TRAPPC12: variants seen among roughly 807,000 people sequenced by gnomAD.
TRAPPC12 encodes TPR repeat protein 15.
TRAPPC12 carries 61 observed loss-of-function variants against 69.2 expected under a neutral mutation model. That is an observed-to-expected ratio of 0.88 (90% CI 0.72 to 1.09). The LOEUF (loss-of-function observed/expected upper bound fraction) is 1.09. Ranked by LOEUF, TRAPPC12 falls within the 50% of genes least tolerant of loss-of-function variation. The pLI, the probability that TRAPPC12 is intolerant of heterozygous loss-of-function variation, is 0.00. For missense variants in TRAPPC12, 1,101 were observed against 1,016.4 expected, an observed-to-expected ratio of 1.08 and a Z score of -1.13; for synonymous variants, 469 against 438.9, an observed-to-expected ratio of 1.07 and a Z score of -0.86.
At chr2:3,465,445 C>G (rs1239101652) in intron 8 of TRAPPC12, 152 bp from the exon 9 acceptor site, 1 of 594,432 alleles carries the variant, frequency 1.7e-6, no homozygotes, top group South Asian at 2.2e-5. Context: ...GGCAGCCGAG[C>G]ACCGCGTGCT....
intron 3 of TRAPPC12, among the ~76,000 whole-genome samples, chr2:3,412,698 C>G (rs374136212): frequency 3.0e-4 from 46 of 152,308 alleles, no homozygotes; most frequent in African/African-American, 1.1e-3. Flanking sequence ...ACACCTTCAT[C>G]TAGAACGGAT....
At position 3,388,028 on chromosome 2, in the gene TRAPPC12, G is replaced by C. The variant is rs745941993; in HGVS notation, c.405G>C (p.Ala135=). 15 of 1,475,590 alleles carry C rather than the reference G, an allele frequency of 1.0e-5. No homozygotes were observed. In the South Asian group the frequency reaches 2.0e-4, roughly 19 times the overall value. The allele number at this position is 1,475,590 out of a possible 1,614,324, so 91.4% of individuals were successfully genotyped here. A position where few individuals can be genotyped will look rare whatever the true frequency, so the allele number is the denominator to read the frequency against. ...PSSGGAPRQD[A]AREVPGSEAA... is the part of the protein sequence containing the mutation. ...GCGGAGGGGCCCCGAGGCAGGACGC[G>C]GCCCGCGAGGTCCCAGGCAGCGAAG... is the stretch of plus-strand genomic sequence containing the variant. Residue 135 remains alanine, a synonymous_variant, in exon 2 of 12, where the codon GCG becomes GCC. Transcript: ENST00000324266.
intron 1 of TRAPPC12, among the ~76,000 whole-genome samples, chr2:3,382,771 A>G (rs1451893211): frequency 6.6e-6 from 1 of 152,174 alleles, no homozygotes; most frequent in Non-Finnish European, 1.5e-5. Flanking sequence ...CAAAAAATAC[A>G]AAAATAGCTG....
chr2:3,457,701 G>A lies in TRAPPC12; in HGVS notation c.1603+8G>A, dbSNP rs776932902. ...CTCAGGAGGGCAGACAAGGTGGGTC[G>A]GCCGGACTTTGCTGACTAGATGCTT... On this transcript the variant is annotated splice_region_variant and intron_variant, in intron 7 of 11. Transcript: ENST00000324266. 6.6e-5 allele frequency: 106 copies of A among 1,608,896 alleles called. No individual in the cohort carries two copies. The highest frequency in any genetic ancestry group is 3.2e-4 in the South Asian group (29 of 90,994).
intron 3 of TRAPPC12, among the ~76,000 whole-genome samples, chr2:3,418,455 A>G (rs1662576709): frequency 6.6e-6 from 1 of 152,200 alleles, no homozygotes; most frequent in East Asian, 1.9e-4. Context: ...GTCAACAGAA[A>G]TGAACTACTG....
rs909094411 is a variant in TRAPPC12 at position 3,479,082 on chromosome 2, C to A, written c.1966-137C>A. 35 of 1,511,016 alleles carry A rather than the reference C, an allele frequency of 2.3e-5. No individual in the cohort carries two copies. The African/African-American group carries it at 4.7e-4, about 20-fold the overall frequency. 93.6% of individuals were successfully genotyped at this position (1,511,016 alleles called of 1,614,324 possible). On this transcript the variant is annotated intron_variant, in intron 11 of 11. Transcript: ENST00000324266. ...GGCTGTGGCCCTTAGGGGAAGTGAC[C>A]CAACAGGGCCACCTAGGCTCTGCCC...
At chr2:3,440,942 G>A (rs1488654268) in intron 5 of TRAPPC12, among the ~76,000 whole-genome samples, 1 of 152,096 alleles carries the variant, frequency 6.6e-6, no homozygotes, top group African/African-American at 2.4e-5. Flanking sequence ...TGTTTGATGT[G>A]GTAGATTATG....
chr2:3,424,439 C>A, intron 4 of TRAPPC12, 86 bp from the exon 5 acceptor site: 2 of 1,184,222 alleles, frequency 1.7e-6, no homozygotes, highest in Non-Finnish European at 2.4e-6. Flanking sequence ...GAGAAATTAA[C>A]CTCTAACACC....
At chr2:3,461,709 C>CT in intron 8 of TRAPPC12, among the ~76,000 whole-genome samples, 1 of 152,222 alleles carries the variant, frequency 6.6e-6, no homozygotes, top group Non-Finnish European at 1.5e-5. Context: ...GTGCTTTGTT[C>CT]TGGTCCTCAC....
intron 9 of TRAPPC12, among the ~76,000 whole-genome samples, chr2:3,470,123 C>G (rs545849416): frequency 6.6e-6 from 1 of 152,342 alleles, no homozygotes; most frequent in African/African-American, 2.4e-5. Flanking sequence ...TAGGGAAACG[C>G]TTGGCAAAGC....
At chr2:3,401,660 C>A (rs1051578244) in intron 2 of TRAPPC12, 117 bp from the exon 3 acceptor site, 2 of 567,318 alleles carry the variant, frequency 3.5e-6, no homozygotes, top group African/African-American at 3.8e-5. Flanking sequence ...ATAACCGTTA[C>A]TTTTACCTCC....
intron 5 of TRAPPC12, among the ~76,000 whole-genome samples, chr2:3,442,655 A>G (rs758237057): frequency 2.0e-5 from 3 of 152,200 alleles, no homozygotes; most frequent in Non-Finnish European, 4.4e-5. Flanking sequence ...ACTGTTTTCC[A>G]TAGTGTTCCT....
chr2:3,386,620 T>G (rs1407741181), intron 1 of TRAPPC12, among the ~76,000 whole-genome samples: 1 of 152,134 alleles, frequency 6.6e-6, no homozygotes, highest in Non-Finnish European at 1.5e-5. Context: ...TTAGTGAGTG[T>G]GCTGTTTTCT....
At chr2:3,472,129 A>C (rs1666085121) in intron 9 of TRAPPC12, among the ~76,000 whole-genome samples, 2 of 152,138 alleles carry the variant, frequency 1.3e-5, no homozygotes, top group South Asian at 4.1e-4. Context: ...GCTATGGCTG[A>C]GAGGACCTCA....
Position 3,388,645 on chromosome 2 carries a change from C to A in TRAPPC12, c.1022C>A (p.Pro341Gln). 16 of 1,575,326 alleles carry A rather than the reference C, an allele frequency of 1.0e-5. No homozygotes were observed. Among genetic ancestry groups the A allele is most frequent in the Non-Finnish European group, 1.4e-5 (16 of 1,158,508 alleles). Residue 341 changes from proline (P) to glutamine (Q), a missense_variant, in exon 2 of 12, where the codon CCG (proline) becomes CAG (glutamine). Physicochemically the swap from Pro to Gln is moderately conservative, Grantham distance 76 (BLOSUM62 -1). Coordinates refer to ENST00000324266, the MANE Select transcript of TRAPPC12 (RefSeq NM_016030.6). ...VFVDKENLTMPGLRFDNIQGD... is the reference protein window; with the variant it reads ...VFVDKENLTMQGLRFDNIQGD... The stretch of plus-strand genomic sequence containing the variant: ...GTGGACAAGGAGAACCTCACCATGC[C>A]GGGCCTCAGGTTCGACAACATCCAG...
chr2:3,399,806 G>GCC (rs1341440708), intron 2 of TRAPPC12, among the ~76,000 whole-genome samples: 7 of 138,586 alleles, frequency 5.1e-5, no homozygotes, highest in Non-Finnish European at 9.5e-5. Context: ...TCTTTCCCCC[G>GCC]CTCCCCCCGC....
At chr2:3,405,061 G>A (rs939398944) in intron 3 of TRAPPC12, among the ~76,000 whole-genome samples, 1 of 151,998 alleles carries the variant, frequency 6.6e-6, no homozygotes, top group Non-Finnish European at 1.5e-5. Context: ...GTTCCAGGGA[G>A]GGACCTTGGG....
chr2:3,388,198 C>T lies in TRAPPC12; in HGVS notation c.575C>T (p.Ser192Leu), dbSNP rs1660599476. ...AGCTTCGGTGGCGCCAGCGAGGCCTCGGCCAGGACACCGCCCCAGGTCGTG... is the reference window on the plus strand; with the variant it reads ...AGCTTCGGTGGCGCCAGCGAGGCCTTGGCCAGGACACCGCCCCAGGTCGTG... ...SPSFGGASEA[S>L]ARTPPQVVQP... The change falls in exon 2 of 12, where the codon TCG becomes TTG. Residue 192 changes from serine to leucine, a missense_variant. By Grantham distance (145) the Ser-to-Leu change is moderately radical. Coordinates refer to ENST00000324266, the MANE Select transcript of TRAPPC12 (RefSeq NM_016030.6). 2 of 1,609,152 alleles carry T rather than the reference C, an allele frequency of 1.2e-6. No homozygotes were observed. Among genetic ancestry groups the T allele is most frequent in the Non-Finnish European group, 1.7e-6 (2 of 1,177,952 alleles).
rs202113263 is a variant in TRAPPC12, at chr2:3,458,441, G to A, written c.1603+748G>A. On this transcript the variant is annotated intron_variant, in intron 7 of 11. Transcript: ENST00000324266. ...TCGATGTGCAGCCCAAGTCAAGATC[G>A]GGTGGTCTCCGTTTCCGCAGGTGTG... is the stretch of plus-strand genomic sequence containing the variant. 194 of 986,096 alleles carry A rather than the reference G, an allele frequency of 2.0e-4. 2 individuals are homozygous for A. The East Asian group carries it at 0.01, about 53-fold the overall frequency. The allele number at this position is 986,096 out of a possible 1,614,324, so 61.1% of individuals were successfully genotyped here.
Sources: allele counts gnomAD v4.1 joint callset (sites outside exome capture counted in the v4.1 genomes callset), GRCh38; gene constraint gnomAD v4.1.1; transcripts MANE v1.5; gene names NCBI Gene and HGNC (gene_info 2026-07-23, HGNC 2026-07-21).